The following LAMA1 variants were observed in gnomAD, a reference collection of about 807,000 sequenced individuals.
The protein encoded by LAMA1 is laminin subunit alpha-1.
A neutral mutation model predicts 348.7 loss-of-function variants in LAMA1; 219 were observed. The ratio of observed to expected loss-of-function variants is 0.63; its 90% CI spans 0.56 to 0.70. LAMA1 has a LOEUF of 0.70. Ranked by LOEUF, LAMA1 falls within the 30% of genes least tolerant of loss-of-function variation. The pLI is 0.00. For missense variants in LAMA1, 3,744 were observed against 3,888.0 expected, an observed-to-expected ratio of 0.96 and a Z score of 0.99; for synonymous variants, 1,487 against 1,491.0, an observed-to-expected ratio of 1.00 and a Z score of 0.06.
At chr18:6,976,384 G>A (rs572131743) in intron 44 of LAMA1, among the ~76,000 whole-genome samples, 38 of 152,088 alleles carry the variant, frequency 2.5e-4, no homozygotes, top group Admixed American at 2.0e-3. Context: ...GAATCTTTCC[G>A]CCTGACACAA....
intron 48 of LAMA1, among the ~76,000 whole-genome samples, chr18:6,967,815 A>C (rs936124341): frequency 1.3e-5 from 2 of 152,040 alleles, no homozygotes; most frequent in African/African-American, 4.8e-5. Context: ...CTCCTCTCCC[A>C]AAAACATGGG....
At chr18:6,947,375 T>G in intron 60 of LAMA1, 79 bp from the exon 61 acceptor site, 1 of 1,571,242 alleles carries the variant, frequency 6.4e-7, no homozygotes, top group Non-Finnish European at 8.7e-7. Flanking sequence ...TGGCTAGGGG[T>G]TGGGGGACCT....
At chr18:6,991,389 C>CTTTT (rs34001050) in intron 36 of LAMA1, among the ~76,000 whole-genome samples, 5 of 118,476 alleles carry the variant, frequency 4.2e-5, no homozygotes, top group East Asian at 2.7e-4. Context: ...ACTTCTTCTT[C>CTTTT]TTTTTTTTTT....
chr18:6,994,377 G>A (rs1241710080), intron 34 of LAMA1, among the ~76,000 whole-genome samples: 1 of 152,212 alleles, frequency 6.6e-6, no homozygotes, highest in Non-Finnish European at 1.5e-5. Flanking sequence ...TTAAAGGAAA[G>A]GTTGTTTGTA....
intron 16 of LAMA1, among the ~76,000 whole-genome samples, chr18:7,029,280 C>T (rs1192535948): frequency 6.6e-6 from 1 of 152,138 alleles, no homozygotes; most frequent in Non-Finnish European, 1.5e-5. Context: ...CACTGCTGGT[C>T]CTCAGACAAC....
At chr18:7,107,121 CTTT>C (rs34984235) in intron 1 of LAMA1, among the ~76,000 whole-genome samples, 1 of 137,104 alleles carries the variant, frequency 7.3e-6, no homozygotes. Flanking sequence ...GAGAAAACTC[CTTT>C]TTTTTTTTTT....
intron 1 of LAMA1, among the ~76,000 whole-genome samples, chr18:7,116,055 G>A (rs1397401754): frequency 6.6e-6 from 1 of 152,094 alleles, no homozygotes; most frequent in Non-Finnish European, 1.5e-5. Context: ...GGCAAACAGG[G>A]AATGCGATAT....
intron 1 of LAMA1, among the ~76,000 whole-genome samples, chr18:7,094,939 G>T (rs531983791): frequency 6.6e-6 from 1 of 152,170 alleles, no homozygotes; most frequent in African/African-American, 2.4e-5. Context: ...TCGAGAAATT[G>T]AAGAAGTTCT....
chr18:7,100,001 G>C (rs182145303), intron 1 of LAMA1, among the ~76,000 whole-genome samples: 3 of 143,158 alleles, frequency 2.1e-5, no homozygotes, highest in Non-Finnish European at 4.5e-5. Flanking sequence ...GGAGCTTGCA[G>C]TGAGCCGAGA....
At chr18:6,955,572 C>G (rs751352500) in intron 56 of LAMA1, 107 bp from the exon 57 acceptor site, 1 of 759,312 alleles carries the variant, frequency 1.3e-6, no homozygotes, top group Non-Finnish European at 2.3e-6. Context: ...CCCATTAGAA[C>G]AGCAACAACC....
intron 3 of LAMA1, among the ~76,000 whole-genome samples, chr18:7,071,400 C>T (rs970823701): frequency 1.3e-5 from 2 of 152,198 alleles, no homozygotes; most frequent in Admixed American, 1.3e-4. Context: ...AATAACATTC[C>T]TCTTTCAAAA....
chr18:7,107,480 G>C (rs1265433496), intron 1 of LAMA1, among the ~76,000 whole-genome samples: 3 of 152,112 alleles, frequency 2.0e-5, no homozygotes, highest in Non-Finnish European at 1.5e-5. Flanking sequence ...AATACACTAA[G>C]AATGCCAAGA....
At chr18:6,949,406 G>A in intron 58 of LAMA1, 147 bp from the exon 59 acceptor site, 1 of 820,360 alleles carries the variant, frequency 1.2e-6, no homozygotes, top group Non-Finnish European at 2.0e-6. Flanking sequence ...TTTTTAGACA[G>A]TTGGTGACGA....
At chr18:6,966,867 G>A (rs2057635519) in intron 48 of LAMA1, among the ~76,000 whole-genome samples, 1 of 152,106 alleles carries the variant, frequency 6.6e-6, no homozygotes, top group African/African-American at 2.4e-5. Flanking sequence ...ATATAATACG[G>A]CCCAGGGCAT....
At position 7,016,666 on chromosome 18, in the gene LAMA1, G is replaced by A. The variant is rs77574121; in HGVS notation, c.2814C>T (p.Gly938=). Residue 938 remains glycine (G), a synonymous_variant, in exon 21 of 63, where the codon GGC becomes GGT. Transcript: ENST00000389658. Reference sequence around the variant, plus strand: ...CATGGCCTGAGTCCAGCCCATAATAGCCATGCTGTTTCACCAAAGGGGGAG... The same window carrying A: ...CATGGCCTGAGTCCAGCCCATAATAACCATGCTGTTTCACCAAAGGGGGAG... The part of the protein sequence containing the change: ...TGQQCDQCLH[G]YYGLDSGHGC... 1.5e-3 allele frequency: 2,411 copies of A among 1,612,302 alleles called. 36 individuals are homozygous for A. The African/African-American group carries it at 0.029, about 19-fold the overall frequency.
chr18:6,972,268 G>A (rs1274039987), intron 47 of LAMA1: 1 of 395,050 alleles, frequency 2.5e-6, no homozygotes, highest in Admixed American at 3.7e-5. Flanking sequence ...GCCAGAGAAT[G>A]TGATTGGTAG....
chr18:6,966,049 A>G (rs921843751), intron 49 of LAMA1, 98 bp downstream of exon 49: 2 of 1,308,080 alleles, frequency 1.5e-6, no homozygotes, highest in Non-Finnish European at 2.2e-6. Flanking sequence ...ATACATATGT[A>G]CATATTTAAT....
rs373281137 is a variant in LAMA1, at chr18:6,997,737, C to A, written c.4806+5G>T. On this transcript the variant is annotated splice_donor_5th_base_variant and intron_variant, in intron 33 of 62. Coordinates refer to ENST00000389658, the MANE Select transcript of LAMA1 (RefSeq NM_005559.4). The stretch of plus-strand genomic sequence containing the variant: ...TCTGTTCATCTCTGTATTTCCAGTA[C>A]CTACCTGGAGATATTTAGTTGTATT... 1.2e-6 allele frequency: 2 copies of A among 1,612,804 alleles called. No homozygotes were observed. Among genetic ancestry groups the A allele is most frequent in the African/African-American group, 2.7e-5 (2 of 74,876 alleles).
intron 51 of LAMA1, 131 bp downstream of exon 51, chr18:6,964,528 TGCA>T (rs2057623401): frequency 9.1e-7 from 1 of 1,095,978 alleles, no homozygotes; most frequent in South Asian, 1.3e-5. Flanking sequence ...CTTTTGGACT[TGCA>T]GCCTCTAGAA....
Sources: allele counts gnomAD v4.1 joint callset (sites outside exome capture counted in the v4.1 genomes callset), GRCh38; gene constraint gnomAD v4.1.1; transcripts MANE v1.5; gene names NCBI Gene and HGNC (gene_info 2026-07-23, HGNC 2026-07-21).